The following RYR3 variants were observed in gnomAD, a reference collection of about 807,000 sequenced individuals.
The protein encoded by RYR3 is ryanodine receptor 3.
In RYR3, 207 loss-of-function variants were observed where a neutral mutation model predicts 584.3. The observed-to-expected ratio is 0.35, with a 90% CI of 0.32 to 0.40. The LOEUF (loss-of-function observed/expected upper bound fraction) is 0.40. RYR3 is among the 10% of genes least tolerant of loss of function. RYR3 has a pLI of 1.00. For missense variants in RYR3, 5,616 were observed against 6,089.2 expected (o/e 0.92, Z 2.59); for synonymous variants, 2,416 against 2,248.5 (o/e 1.07, Z -2.11).
At chr15:33,515,995 T>C (rs2053483659) in intron 3 of RYR3, among the ~76,000 whole-genome samples, 3 of 152,326 alleles carry the variant, frequency 2.0e-5, no homozygotes, top group Admixed American at 6.5e-5. Flanking sequence ...GGGTGTCTAT[T>C]TTGGACTTCA....
chr15:33,324,426 A>G (rs754759176), intron 1 of RYR3, among the ~76,000 whole-genome samples: 6 of 152,144 alleles, frequency 3.9e-5, no homozygotes, highest in Admixed American at 6.5e-5. Flanking sequence ...TTTTATCCCA[A>G]TCTTATTTTG....
intron 1 of RYR3, among the ~76,000 whole-genome samples, chr15:33,425,920 G>A (rs1567212188): frequency 1.3e-5 from 2 of 152,124 alleles, no homozygotes; most frequent in African/African-American, 2.4e-5. Context: ...CGGATTACAG[G>A]CATGAGCCAC....
At chr15:33,617,376 C>A (rs1305930080) in intron 19 of RYR3, among the ~76,000 whole-genome samples, 1 of 151,876 alleles carries the variant, frequency 6.6e-6, no homozygotes, top group Non-Finnish European at 1.5e-5. Flanking sequence ...CACACCACTG[C>A]ACTCCAGCCT....
intron 43 of RYR3, among the ~76,000 whole-genome samples, chr15:33,711,417 G>A (rs2067112355): frequency 6.6e-6 from 1 of 151,780 alleles, no homozygotes; most frequent in East Asian, 1.9e-4. Context: ...CTAACTTTTT[G>A]TATTTTTAGT....
intron 3 of RYR3, among the ~76,000 whole-genome samples, chr15:33,526,290 AC>A (rs1279931508): frequency 6.6e-6 from 1 of 152,198 alleles, no homozygotes; most frequent in Non-Finnish European, 1.5e-5. Flanking sequence ...AGCTAGTGGA[AC>A]ATTTTTCCTC....
intron 18 of RYR3, among the ~76,000 whole-genome samples, chr15:33,610,819 A>AT (rs1303139384): frequency 2.0e-5 from 3 of 152,144 alleles, no homozygotes; most frequent in Admixed American, 6.5e-5. Context: ...CCTGAAGGTA[A>AT]TTTTTTACAA....
intron 2 of RYR3, among the ~76,000 whole-genome samples, chr15:33,491,105 G>T (rs1335030824): frequency 1.3e-5 from 2 of 152,070 alleles, no homozygotes; most frequent in Non-Finnish European, 2.9e-5. Context: ...TTGTTGGTGG[G>T]GCTGAATTTG....
intron 10 of RYR3, among the ~76,000 whole-genome samples, chr15:33,552,582 C>A (rs576294472): frequency 6.6e-6 from 1 of 152,308 alleles, no homozygotes; most frequent in African/African-American, 2.4e-5. Context: ...AGTATTCAAC[C>A]TAGCTACCTT....
chr15:33,402,816 G>C (rs946112256), intron 1 of RYR3, among the ~76,000 whole-genome samples: 4 of 152,210 alleles, frequency 2.6e-5, no homozygotes, highest in African/African-American at 4.8e-5. Context: ...AGGACTTGGT[G>C]CTATTTGTTG....
chr15:33,516,988 T>TA (rs1270425419), intron 3 of RYR3, among the ~76,000 whole-genome samples: 5 of 152,084 alleles, frequency 3.3e-5, no homozygotes, highest in Non-Finnish European at 5.9e-5. Context: ...TACCTTTTAT[T>TA]TTATTATTAT....
At chr15:33,344,052 C>A (rs568361265) in intron 1 of RYR3, among the ~76,000 whole-genome samples, 1 of 152,286 alleles carries the variant, frequency 6.6e-6, no homozygotes, top group East Asian at 1.9e-4. Context: ...AGCTTAAATT[C>A]AAAAACGTAC....
At chr15:33,647,854 T>G (rs2062190686) in intron 30 of RYR3, among the ~76,000 whole-genome samples, 1 of 152,148 alleles carries the variant, frequency 6.6e-6, no homozygotes. Context: ...CTAGGAGTGA[T>G]GTTAAAAGCA....
At chr15:33,322,910 A>C (rs1346818848) in intron 1 of RYR3, among the ~76,000 whole-genome samples, 1 of 151,290 alleles carries the variant, frequency 6.6e-6, no homozygotes, top group Non-Finnish European at 1.5e-5. Flanking sequence ...CTCTGTTGTC[A>C]AACAATGTAT....
intron 65 of RYR3, among the ~76,000 whole-genome samples, chr15:33,781,949 G>T (rs898238534): frequency 6.6e-6 from 1 of 151,980 alleles, no homozygotes; most frequent in African/African-American, 2.4e-5. Context: ...CTGAGCAGCA[G>T]AGCAGACTTT....
At chr15:33,824,602 T>G (rs2077278715) in intron 81 of RYR3, among the ~76,000 whole-genome samples, 3 of 152,138 alleles carry the variant, frequency 2.0e-5, no homozygotes, top group Non-Finnish European at 4.4e-5. Flanking sequence ...GCAATAGAGA[T>G]TTCACTGTCT....
In RYR3 at chr15:33,646,455, G is replaced by A. The variant is rs2062108465; in HGVS notation, c.3870G>A (p.Leu1290=). The A allele has an allele frequency of 6.2e-7, 1 of 1,613,932 alleles. No homozygotes were observed. The change falls in exon 29 of 104, where the codon TTG becomes TTA. Residue 1290 remains leucine (L), a synonymous_variant. Coordinates refer to ENST00000634891, the MANE Select transcript of RYR3 (RefSeq NM_001036.6). ...NSNADMIYCR[L]SMPVECHSSF... ...ATGCCGACATGATCTATTGCCGCTT[G>A]AGCATGCCTGTCGAGTGCCACTCCT...
chr15:33,748,531 G>A lies in RYR3; in HGVS notation c.8199+1G>A. On this transcript the variant is annotated splice_donor_variant, in intron 55 of 103. Coordinates refer to ENST00000634891, the MANE Select transcript of RYR3 (RefSeq NM_001036.6). LOFTEE classifies it high-confidence loss of function. ...CGTTGTGCTCTCCAGAGAGCTCCAGGTCAGTGCCCCAGGTCCAGCATGACT... is the reference window on the plus strand; with the variant it reads ...CGTTGTGCTCTCCAGAGAGCTCCAGATCAGTGCCCCAGGTCCAGCATGACT... 1.9e-6 allele frequency: 3 copies of A among 1,611,796 alleles called. No individual in the cohort carries two copies. The highest frequency in any genetic ancestry group is 2.5e-6 in the Non-Finnish European group (3 of 1,178,852).
chr15:33,668,845 G>A (rs2063644202), intron 36 of RYR3, among the ~76,000 whole-genome samples: 1 of 151,960 alleles, frequency 6.6e-6, no homozygotes. Context: ...TTATTTTAAA[G>A]GAAACTCAAA....
At chr15:33,766,844 C>T (rs1334693625) in intron 60 of RYR3, among the ~76,000 whole-genome samples, 2 of 152,202 alleles carry the variant, frequency 1.3e-5, no homozygotes, top group Middle Eastern at 3.2e-3. Context: ...TTATTGTCTT[C>T]AAACTCTGAG....
Sources: allele counts gnomAD v4.1 joint callset (sites outside exome capture counted in the v4.1 genomes callset), GRCh38; gene constraint gnomAD v4.1.1; transcripts MANE v1.5; gene names NCBI Gene and HGNC (gene_info 2026-07-23, HGNC 2026-07-21).